NDOR1: variants seen among roughly 807,000 people sequenced by gnomAD.
NDOR1 encodes the protein NADPH-dependent diflavin oxidoreductase 1.
A neutral mutation model predicts 67.2 loss-of-function variants in NDOR1; 61 were observed. The ratio of observed to expected loss-of-function variants is 0.91; its 90% CI spans 0.74 to 1.12. The LOEUF (loss-of-function observed/expected upper bound fraction) is 1.12, where lower values mean the gene tolerates loss of function less well. Among genes scored for constraint, NDOR1 ranks in the 50% most tolerant of loss-of-function variants. The probability of loss-of-function intolerance (pLI) is 0.00; values close to 1 mark genes in which losing one functional copy is unlikely to be tolerated. For synonymous variants in NDOR1, 378 were observed against 343.7 expected, an observed-to-expected ratio of 1.10 and a Z score of -1.10; for missense variants, 878 against 802.8, an observed-to-expected ratio of 1.09 and a Z score of -1.13.
intron 2 of NDOR1, among the ~76,000 whole-genome samples, chr9:137,210,690 A>G (rs1488219783): frequency 6.6e-6 from 1 of 152,140 alleles, no homozygotes; most frequent in Non-Finnish European, 1.5e-5. Context: ...AAACAAAATA[A>G]TAATAAATTA....
At chr9:137,211,970 C>T (rs971494727) in intron 2 of NDOR1, among the ~76,000 whole-genome samples, 12 of 151,794 alleles carry the variant, frequency 7.9e-5, no homozygotes, top group Non-Finnish European at 8.8e-5. Context: ...CCTGCAGCCA[C>T]GGAAGGAGGG....
At chr9:137,210,695 AAATT>A (rs1218243944) in intron 2 of NDOR1, among the ~76,000 whole-genome samples, 1 of 152,186 alleles carries the variant, frequency 6.6e-6, no homozygotes, top group African/African-American at 2.4e-5. Context: ...AAATAATAAT[AAATT>A]AGCTGGGCGT....
Position 137,214,086 on chromosome 9 carries a change from G to T in NDOR1, c.512+18G>T. 1 of 1,534,514 alleles carries T rather than the reference G, an allele frequency of 6.5e-7. No individual in the cohort carries two copies. Among genetic ancestry groups the T allele is most frequent in the Non-Finnish European group, 8.7e-7 (1 of 1,144,152 alleles). On this transcript the variant is annotated intron_variant, in intron 5 of 13. Coordinates refer to ENST00000684003, the MANE Select transcript of NDOR1 (RefSeq NM_014434.4). ...GGAGTCCCGTGAGTGTGGGCCCCGG[G>T]TCACCCACAGGCGCAGCAGACCCAA...
Position 137,205,718 on chromosome 9 carries a change from C to T in NDOR1, c.-60C>T, listed in dbSNP as rs771531228. ...GGAAGGCGGAGCGGTCCCTGCAACC[C>T]GGCCGGCGGGAACTGCCTTCTAGTT... On this transcript the variant is annotated 5_prime_UTR_variant, in exon 1 of 14. Transcript: ENST00000684003. The T allele has an allele frequency of 4.4e-6, 7 of 1,596,270 alleles. No homozygotes were observed. Among genetic ancestry groups the T allele is most frequent in the Non-Finnish European group, 5.9e-6 (7 of 1,178,348 alleles).
chr9:137,205,787 C>T lies in NDOR1; in HGVS notation c.10C>T (p.Pro4Ser). Residue 4 changes from proline to serine, a missense_variant, in exon 1 of 14, where the codon CCG becomes TCG. Physicochemically the swap from Pro to Ser is moderately conservative, Grantham distance 74. Transcript: ENST00000684003. ...CACCGGGCGCACCCCGATGCCGAGC[C>T]CGCAGCTTCTGGTGCTCTTCGGCAG... The part of the protein sequence containing the change: MPS[P>S]QLLVLFGSQT... 6.2e-7 allele frequency: 1 copy of T among 1,604,320 alleles called. No homozygotes were observed.
At chr9:137,205,936 C>A in intron 1 of NDOR1, 24 bp downstream of exon 1, 1 of 1,562,968 alleles carries the variant, frequency 6.4e-7, no homozygotes, top group Non-Finnish European at 8.6e-7. Flanking sequence ...AGGGCCTCGG[C>A]GTGGGGGACG....
At position 137,216,357 on chromosome 9, in the gene NDOR1, G is replaced by T. The variant is rs748907459; in HGVS notation, c.1735G>T (p.Ala579Ser). The change falls in exon 14 of 14, where the codon GCC becomes TCC. Residue 579 changes from alanine (A) to serine (S), a missense_variant. Physicochemically the swap from Ala to Ser is moderately conservative, Grantham distance 99. Transcript: ENST00000684003. ...GGGTGGACTCTGCAGCCCGGACGCAGCCGCGTATCTAGCCAGGCTCCAGCA... is the reference window on the plus strand; with the variant it reads ...GGGTGGACTCTGCAGCCCGGACGCATCCGCGTATCTAGCCAGGCTCCAGCA... ...EEGGLCSPDA[A>S]AYLARLQQTR... 79 of 1,609,086 alleles carry T rather than the reference G, an allele frequency of 4.9e-5. No individual in the cohort carries two copies. In the Admixed American group the frequency reaches 1.3e-3, roughly 27 times the overall value.
chr9:137,214,777 G>A, intron 7 of NDOR1, 21 bp from the exon 8 acceptor site: 1 of 1,598,038 alleles, frequency 6.3e-7, no homozygotes, highest in East Asian at 2.2e-5. Flanking sequence ...AGCCCACGGA[G>A]GCCTCCCACT....
chr9:137,208,216 G>A (rs1370365814), intron 2 of NDOR1, among the ~76,000 whole-genome samples: 2 of 151,368 alleles, frequency 1.3e-5, no homozygotes, highest in Admixed American at 1.3e-4. Flanking sequence ...TTGGGAGGCC[G>A]AGGCAGGCAG....
At chr9:137,206,602 AG>A (rs1250336518) in intron 2 of NDOR1, among the ~76,000 whole-genome samples, 2 of 152,150 alleles carry the variant, frequency 1.3e-5, no homozygotes, top group African/African-American at 4.8e-5. Context: ...TATGACCCTC[AG>A]GGAACGTTGC....
chr9:137,215,305 C>A, intron 9 of NDOR1, 102 bp from the exon 10 acceptor site: 1 of 1,530,782 alleles, frequency 6.5e-7, no homozygotes, highest in Non-Finnish European at 9.0e-7. Context: ...AGGTGACGTT[C>A]CCCCAGTCGG....
chr9:137,214,773 C>T (rs995732689), intron 7 of NDOR1, 25 bp from the exon 8 acceptor site: 13 of 1,597,282 alleles, frequency 8.1e-6, no homozygotes, highest in South Asian at 3.3e-5. Flanking sequence ...CCGCAGCCCA[C>T]GGAGGCCTCC....
chr9:137,209,817 C>T (rs949265888), intron 2 of NDOR1, among the ~76,000 whole-genome samples: 4 of 152,228 alleles, frequency 2.6e-5, no homozygotes, highest in South Asian at 4.1e-4. Flanking sequence ...GGGCGCTGGG[C>T]GCGCTGGCCC....
chr9:137,208,892 T>G (rs1405834845), intron 2 of NDOR1, among the ~76,000 whole-genome samples: 2 of 151,890 alleles, frequency 1.3e-5, no homozygotes, highest in African/African-American at 4.8e-5. Flanking sequence ...GTTGTTGGTT[T>G]GTTTTGAGAC....
At position 137,213,966 on chromosome 9, in the gene NDOR1, G is replaced by A. The variant is rs974206999; in HGVS notation, c.411-1G>A. ...AGGCCAGCGCACGTGCTCCCTCCCA[G>A]GCCCGACGCTGCTGTGGACCCCTGG... is the stretch of plus-strand genomic sequence containing the variant. On this transcript the variant is annotated splice_acceptor_variant, in intron 4 of 13. Transcript: ENST00000684003. LOFTEE classifies it high-confidence loss of function. The A allele has an allele frequency of 6.4e-6, 10 of 1,563,028 alleles. No homozygotes were observed. Among genetic ancestry groups the A allele is most frequent in the Non-Finnish European group, 8.7e-6 (10 of 1,154,994 alleles).
chr9:137,213,061 C>A (rs190074799), intron 3 of NDOR1, among the ~76,000 whole-genome samples: 1 of 152,200 alleles, frequency 6.6e-6, no homozygotes, highest in Non-Finnish European at 1.5e-5. Context: ...GTGAAAACCC[C>A]GACTGTCCAC....
chr9:137,214,747 C>T (rs1179492364), intron 7 of NDOR1, 51 bp from the exon 8 acceptor site: 11 of 1,596,686 alleles, frequency 6.9e-6, no homozygotes, highest in Non-Finnish European at 6.8e-6. Context: ...CCTGGGCCCC[C>T]ACCCCAAGGG....
At chr9:137,213,708 C>G in intron 3 of NDOR1, 72 bp from the exon 4 acceptor site, 1 of 1,467,992 alleles carries the variant, frequency 6.8e-7, no homozygotes, top group Non-Finnish European at 9.3e-7. Context: ...TCCACTCTCC[C>G]GGGTTCCACT....
intron 2 of NDOR1, 150 bp downstream of exon 2, chr9:137,206,459 G>T (rs1834971195): frequency 1.2e-6 from 1 of 813,144 alleles, no homozygotes; most frequent in Non-Finnish European, 2.1e-6. Flanking sequence ...GTGGGGCTGG[G>T]GGCTCCGGTT....
Sources: allele counts gnomAD v4.1 joint callset (sites outside exome capture counted in the v4.1 genomes callset), GRCh38; gene constraint gnomAD v4.1.1; transcripts MANE v1.5; gene names NCBI Gene and HGNC (gene_info 2026-07-23, HGNC 2026-07-21).